Variants in GFRA1 observed in about 807,000 individuals in gnomAD.
The protein encoded by GFRA1 is GDNF family receptor alpha 1.
A neutral mutation model predicts 51.6 loss-of-function variants in GFRA1; 16 were observed. The ratio of observed to expected loss-of-function variants is 0.31; its 90% CI spans 0.21 to 0.47. The LOEUF (loss-of-function observed/expected upper bound fraction) is 0.47, where lower values mean the gene tolerates loss of function less well. Among genes scored for constraint, GFRA1 ranks in the 20% least tolerant of loss-of-function variants. GFRA1 has a pLI of 1.00. For synonymous variants in GFRA1, 270 were observed against 241.3 expected, an observed-to-expected ratio of 1.12 and a Z score of -1.10; for missense variants, 530 against 594.3, an observed-to-expected ratio of 0.89 and a Z score of 1.13.
chr10:116,228,365 C>T (rs1354505871), intron 4 of GFRA1, among the ~76,000 whole-genome samples: 1 of 152,156 alleles, frequency 6.6e-6, no homozygotes, highest in Non-Finnish European at 1.5e-5. Context: ...AGGATTGCTC[C>T]AAAAGATGGC....
At chr10:116,131,474 T>C (rs1474477650) in intron 5 of GFRA1, among the ~76,000 whole-genome samples, 1 of 152,186 alleles carries the variant, frequency 6.6e-6, no homozygotes, top group African/African-American at 2.4e-5. Flanking sequence ...ACCAGCATAT[T>C]GATAATAATC....
chr10:116,145,148 C>CA (rs58509181), intron 5 of GFRA1, among the ~76,000 whole-genome samples: 5,101 of 28,702 alleles, frequency 0.18, 1,034 homozygotes, highest in South Asian at 0.3. Context: ...GACTCTGTCT[C>CA]AAAAAAAAAA....
At chr10:116,217,763 A>G (rs1038946631) in intron 4 of GFRA1, among the ~76,000 whole-genome samples, 15 of 152,214 alleles carry the variant, frequency 9.9e-5, no homozygotes, top group African/African-American at 3.4e-4. Flanking sequence ...GCAACATGCC[A>G]GTAACAATAG....
chr10:116,074,590 G>A (rs1179931645), intron 9 of GFRA1, among the ~76,000 whole-genome samples: 1 of 152,202 alleles, frequency 6.6e-6, no homozygotes, highest in Non-Finnish European at 1.5e-5. Flanking sequence ...GATGCCAGTG[G>A]TGAGTGCCTC....
chr10:116,183,610 TTCTCC>T (rs1022313798), intron 5 of GFRA1, among the ~76,000 whole-genome samples: 3 of 152,154 alleles, frequency 2.0e-5, no homozygotes, highest in African/African-American at 7.2e-5. Context: ...GCACTGCTGG[TTCTCC>T]CTTTCCCCAG....
At chr10:116,200,260 C>T (rs373738763) in intron 5 of GFRA1, among the ~76,000 whole-genome samples, 31 of 152,280 alleles carry the variant, frequency 2.0e-4, no homozygotes, top group African/African-American at 4.6e-4. Flanking sequence ...CACTGTCTAT[C>T]TTGATCCAGT....
At position 116,058,290 on chromosome 10, in the gene GFRA1, G is replaced by A. The variant is rs1043782902; in HGVS notation, c.*6108C>T. 13 of 152,144 alleles carry A rather than the reference G, an allele frequency of 8.5e-5. No homozygotes were observed. Among genetic ancestry groups the A allele is most frequent in the African/African-American group, 2.9e-4 (12 of 41,396 alleles). 9.4% of individuals were successfully genotyped at this position (152,144 alleles called of 1,614,324 possible). A position where few individuals can be genotyped will look rare whatever the true frequency, so the allele number is the denominator to read the frequency against. ...GTGTCAGGGGTCAATGTGCACATTC[G>A]AAGTTTTGCTCCTTTGAGCACTGCT... On this transcript the variant is annotated 3_prime_UTR_variant, in exon 11 of 11. Transcript: ENST00000355422.
chr10:116,209,593 A>G (rs751872868), intron 5 of GFRA1, among the ~76,000 whole-genome samples: 2 of 152,032 alleles, frequency 1.3e-5, no homozygotes, highest in Non-Finnish European at 2.9e-5. Flanking sequence ...GTTCACTTGA[A>G]GCTAAGTCGT....
chr10:116,119,788 A>G (rs931679597), intron 6 of GFRA1, among the ~76,000 whole-genome samples: 2 of 152,228 alleles, frequency 1.3e-5, no homozygotes, highest in Non-Finnish European at 2.9e-5. Context: ...TTAAAGGTGC[A>G]CTAACACTGT....
chr10:116,120,104 C>T (rs2134002321), intron 6 of GFRA1, among the ~76,000 whole-genome samples: 1 of 152,316 alleles, frequency 6.6e-6, no homozygotes, highest in Non-Finnish European at 1.5e-5. Flanking sequence ...TCAAAGCCAC[C>T]ACTCTTGGAG....
intron 4 of GFRA1, among the ~76,000 whole-genome samples, chr10:116,251,003 G>A (rs1192544211): frequency 2.0e-5 from 3 of 152,178 alleles, no homozygotes; most frequent in African/African-American, 7.2e-5. Flanking sequence ...TGTCATTTAG[G>A]TCCCAGCTCA....
chr10:116,129,413 A>T (rs12769612), intron 5 of GFRA1, among the ~76,000 whole-genome samples: 54,473 of 152,004 alleles, frequency 0.36, 10,019 homozygotes, highest in East Asian at 0.4. Context: ...AACAGAATAC[A>T]GTAGGAAAAC....
chr10:116,257,646 C>G lies in GFRA1; in HGVS notation c.418+11857G>C, dbSNP rs189826159. On this transcript the variant is annotated intron_variant, in intron 4 of 10. Coordinates refer to ENST00000355422, the MANE Select transcript of GFRA1 (RefSeq NM_005264.8). ...CTCTGGTCGAGAAGCATCCAGAGCC[C>G]CTGTGTGTGCTTTTATGACACAAAA... is the stretch of plus-strand genomic sequence containing the variant. Among the ~76,000 whole-genome samples, 42 of 152,256 alleles carry G rather than the reference C, an allele frequency of 2.8e-4. 1 individual carries two copies. In the East Asian group the frequency reaches 6.2e-3, roughly 22 times the overall value.
intron 4 of GFRA1, among the ~76,000 whole-genome samples, chr10:116,252,343 T>C (rs1968451511): frequency 6.6e-6 from 1 of 151,948 alleles, no homozygotes; most frequent in Non-Finnish European, 1.5e-5. Flanking sequence ...CTTCACGTGG[T>C]AGGAACAGGT....
chr10:116,256,753 TA>T (rs1220156351), intron 4 of GFRA1, among the ~76,000 whole-genome samples: 1 of 152,172 alleles, frequency 6.6e-6, no homozygotes, highest in Admixed American at 6.5e-5. Flanking sequence ...AGAAAACAGC[TA>T]GGCAAGGCAG....
chr10:116,192,194 C>A (rs1170180919), intron 5 of GFRA1, among the ~76,000 whole-genome samples: 1 of 152,142 alleles, frequency 6.6e-6, no homozygotes, highest in Non-Finnish European at 1.5e-5. Flanking sequence ...TGAATGGGCA[C>A]CCCCATCCCC....
intron 4 of GFRA1, chr10:116,226,749 T>C: frequency 7.2e-6 from 3 of 417,106 alleles, no homozygotes; most frequent in Non-Finnish European, 9.6e-6. Flanking sequence ...TAATGTATTA[T>C]AGAACCAGTG....
intron 6 of GFRA1, among the ~76,000 whole-genome samples, chr10:116,100,891 C>T (rs556631909): frequency 2.6e-5 from 4 of 152,080 alleles, no homozygotes; most frequent in Non-Finnish European, 5.9e-5. Context: ...GTCAAAACTT[C>T]GGACTGGAGG....
At position 116,058,265 on chromosome 10, in the gene GFRA1, G is replaced by C. The variant is rs542176020; in HGVS notation, c.*6133C>G. The C allele has an allele frequency of 6.6e-6, 1 of 152,324 alleles. No individual in the cohort carries two copies. The highest frequency in any genetic ancestry group is 2.4e-5 in the African/African-American group (1 of 41,568). The allele number at this position is 152,324 out of a possible 1,614,324, so 9.4% of individuals were successfully genotyped here. On this transcript the variant is annotated 3_prime_UTR_variant, in exon 11 of 11. Coordinates refer to ENST00000355422, the MANE Select transcript of GFRA1 (RefSeq NM_005264.8). ...CTTAGGATCTGTGTTATGCTTGCAG[G>C]TGTCAGGGGTCAATGTGCACATTCG...
Sources: allele counts gnomAD v4.1 joint callset (sites outside exome capture counted in the v4.1 genomes callset), GRCh38; gene constraint gnomAD v4.1.1; transcripts MANE v1.5; gene names NCBI Gene and HGNC (gene_info 2026-07-23, HGNC 2026-07-21).